Variants in ARMCX4 observed in about 807,000 individuals in gnomAD.
ARMCX4 encodes armadillo repeat-containing X-linked protein 4.
ARMCX4 carries 3 observed loss-of-function variants against 34.7 expected under a neutral mutation model. The observed-to-expected ratio is 0.09, with a 90% CI of 0.04 to 0.22. The LOEUF (loss-of-function observed/expected upper bound fraction) is 0.22, where lower values mean the gene tolerates loss of function less well. Among genes scored for constraint, ARMCX4 ranks in the 10% least tolerant of loss-of-function variants. ARMCX4 has a pLI of 1.00. For missense variants in ARMCX4, 1,448 were observed against 1,720.8 expected (o/e 0.84, Z 2.81); for synonymous variants, 513 against 632.8 (o/e 0.81, Z 2.84).
At chrX:101,428,612 C>T (rs1929776061) in intron 2 of ARMCX4, among the ~76,000 whole-genome samples, 2 of 111,833 alleles carry the variant, frequency 1.8e-5, no homozygotes, top group African/African-American at 6.5e-5. Context: ...CTTTTTCTCT[C>T]CATCTCTCTC....
chrX:101,464,197 G>A (rs1228112683), intron 4 of ARMCX4, among the ~76,000 whole-genome samples: 3 of 109,260 alleles, frequency 2.7e-5, no homozygotes, highest in Non-Finnish European at 5.7e-5. Flanking sequence ...ACATGGTGAA[G>A]CCCCGTCTCG....
chrX:101,494,306 C>T lies in ARMCX4; in HGVS notation c.5717C>T (p.Ala1906Val). ...EEISLRSLFWAESENSNTFRS... is the reference protein window; with the variant it reads ...EEISLRSLFWVESENSNTFRS... ...ATCAGTTTAAGGTCTTTGTTTTGGG[C>T]TGAGAGTGAGAACAGTAATACGTTC... is the stretch of plus-strand genomic sequence containing the variant. The change falls in exon 6 of 6, where the codon GCT becomes GTT. Residue 1906 changes from alanine (A) to valine (V), a missense_variant. Ala to Val is a moderately conservative substitution (Grantham distance 64). This residue lies in a region of ARMCX4 where 1,343 missense variants were observed against 1,540.7 expected (regional missense o/e 0.87). Transcript: ENST00000423738. 8.7e-7 allele frequency: 1 copy of T among 1,155,095 alleles called. No individual in the cohort carries two copies. The highest frequency in any genetic ancestry group is 3.3e-5 in the East Asian group (1 of 30,768).
At chrX:101,502,784 AT>A (rs1444797924) in intron 7 of ARMCX4, among the ~76,000 whole-genome samples, 2 of 105,657 alleles carry the variant, frequency 1.9e-5, no homozygotes, top group Non-Finnish European at 3.9e-5. Context: ...TTGCCTTGGA[AT>A]TTTTTTTCTC....
intron 11 of ARMCX4, among the ~76,000 whole-genome samples, chrX:101,511,373 T>G (rs1934577864): frequency 9.0e-6 from 1 of 111,727 alleles, no homozygotes; most frequent in Admixed American, 9.5e-5. Flanking sequence ...TTGTTTCTTT[T>G]AAAATAGAAT....
At chrX:101,502,724 T>A (rs1265904204) in intron 7 of ARMCX4, among the ~76,000 whole-genome samples, 10 of 111,472 alleles carry the variant, frequency 9.0e-5, no homozygotes, top group East Asian at 2.8e-4. Context: ...TCTTTATTTT[T>A]TTTTTATTTT....
intron 7 of ARMCX4, among the ~76,000 whole-genome samples, chrX:101,503,112 A>G (rs1447556247): frequency 3.7e-5 from 4 of 109,449 alleles, no homozygotes; most frequent in Non-Finnish European, 7.6e-5. Context: ...AAAGGACATG[A>G]ATTCATCCTT....
chrX:101,438,759 T>A (rs1411651763), intron 2 of ARMCX4, among the ~76,000 whole-genome samples: 4 of 111,371 alleles, frequency 3.6e-5, no homozygotes, highest in African/African-American at 1.3e-4. Context: ...TTTGTTGGTT[T>A]AAAGTCTGTT....
At position 101,491,406 on chromosome X, in the gene ARMCX4, G is replaced by A. The variant is rs1556009093; in HGVS notation, c.2817G>A (p.Glu939=). 6.1e-6 allele frequency: 7 copies of A among 1,155,465 alleles called. No individual in the cohort carries two copies. The African/African-American group carries it at 1.2e-4, about 21-fold the overall frequency. The part of the protein sequence containing the change: ...KGNSNAISKA[E]AGAGIMGSVQ... The stretch of plus-strand genomic sequence containing the variant: ...ATTCCAATGCTATTTCTAAGGCAGA[G>A]GCTGGGGCAGGCATAATGGGCTCTG... Residue 939 remains glutamate (E), a synonymous_variant, in exon 6 of 6, where the codon GAG becomes GAA. Transcript: ENST00000423738.
intron 7 of ARMCX4, among the ~76,000 whole-genome samples, chrX:101,501,116 T>G (rs1458408431): frequency 2.7e-5 from 3 of 112,796 alleles, no homozygotes; most frequent in African/African-American, 9.6e-5. Flanking sequence ...GTGCACTGCC[T>G]GGTAGGCCTC....
intron 2 of ARMCX4, chrX:101,443,867 G>T: frequency 2.7e-6 from 1 of 370,615 alleles, no homozygotes. Flanking sequence ...GTTGGGTCCA[G>T]CATTTTCCAT....
chrX:101,493,868 A>G lies in ARMCX4; in HGVS notation c.5279A>G (p.Asp1760Gly). The change falls in exon 6 of 6, where the codon GAT becomes GGT. Residue 1760 changes from aspartate (D) to glycine (G), a missense_variant. Asp to Gly is a moderately conservative substitution (Grantham distance 94). This residue lies in a region of ARMCX4 where 1,343 missense variants were observed against 1,540.7 expected (regional missense o/e 0.87). Coordinates refer to ENST00000423738, the MANE Select transcript of ARMCX4 (RefSeq NM_001256155.3). ...AAAGCTGATATTGTGTCCAGGCCTG[A>G]TGATAAAGATGAGGCCACTACTGCA... ...EEKADIVSRP[D>G]DKDEATTASR... 2 of 1,152,484 alleles carry G rather than the reference A, an allele frequency of 1.7e-6. No homozygotes were observed. The highest frequency in any genetic ancestry group is 2.3e-6 in the Non-Finnish European group (2 of 871,975). 95.0% of individuals were successfully genotyped at this position (1,152,484 alleles called of 1,213,427 possible). A position where few individuals can be genotyped will look rare whatever the true frequency, so the allele number is the denominator to read the frequency against.
At chrX:101,428,003 T>C (rs1929737937) in intron 2 of ARMCX4, among the ~76,000 whole-genome samples, 1 of 112,015 alleles carries the variant, frequency 8.9e-6, no homozygotes, top group Non-Finnish European at 1.9e-5. Context: ...AGTATAGCAT[T>C]CTATAATTCA....
chrX:101,499,245 ACGAAC>A (rs782305500), downstream of ARMCX4: 5 of 111,820 alleles, frequency 4.5e-5, no homozygotes, highest in African/African-American at 1.3e-4. Flanking sequence ...AGGAAATGAC[ACGAAC>A]TCATTACTGC....
downstream of ARMCX4, among the ~76,000 whole-genome samples, chrX:101,500,692 GT>G (rs1259831644): frequency 8.9e-6 from 1 of 111,976 alleles, no homozygotes; most frequent in Non-Finnish European, 1.9e-5. Context: ...TAGAAAATGT[GT>G]TTTTTTCCCT....
intron 4 of ARMCX4, among the ~76,000 whole-genome samples, chrX:101,475,603 A>G (rs1933152080): frequency 9.0e-6 from 1 of 111,323 alleles, no homozygotes; most frequent in Non-Finnish European, 1.9e-5. Context: ...AGAGACAGTG[A>G]CTCTCAGATT....
Position 101,495,387 on chromosome X carries a change from A to G in ARMCX4, c.6798A>G (p.Lys2266=). The change falls in exon 6 of 6, where the codon AAA becomes AAG. Residue 2266 remains lysine, a synonymous_variant. Coordinates refer to ENST00000423738, the MANE Select transcript of ARMCX4 (RefSeq NM_001256155.3). ...LFQRPKACAK[K]LRALAAECND... is the part of the protein sequence containing the mutation. ...AACGACCTAAAGCATGTGCCAAGAA[A>G]CTTCGAGCCTTAGCAGCAGAATGCA... is the stretch of plus-strand genomic sequence containing the variant. The G allele has an allele frequency of 8.7e-7, 1 of 1,149,303 alleles. No individual in the cohort carries two copies. Among genetic ancestry groups the G allele is most frequent in the Non-Finnish European group, 1.1e-6 (1 of 870,633 alleles). 94.7% of individuals were successfully genotyped at this position (1,149,303 alleles called of 1,213,427 possible).
intron 4 of ARMCX4, among the ~76,000 whole-genome samples, chrX:101,458,804 C>A: frequency 8.9e-6 from 1 of 111,778 alleles, no homozygotes; most frequent in African/African-American, 3.2e-5. Context: ...CTACTAATTT[C>A]TAGCTTTACT....
chrX:101,420,736 AAG>A (rs1391779419), intron 2 of ARMCX4, among the ~76,000 whole-genome samples: 1 of 112,372 alleles, frequency 8.9e-6, no homozygotes, highest in African/African-American at 3.2e-5. Flanking sequence ...TGGTGAGTAA[AAG>A]AGACTGAATG....
chrX:101,495,603 A>G lies in ARMCX4; in HGVS notation c.*141A>G, dbSNP rs1291819334. On this transcript the variant is annotated 3_prime_UTR_variant, in exon 6 of 6. Transcript: ENST00000423738. The stretch of plus-strand genomic sequence containing the variant: ...AGCTGGACCATTTTATGAACACCAA[A>G]TGAATTCAAGCTTGTACTAAAAATA... 3 of 533,665 alleles carry G rather than the reference A, an allele frequency of 5.6e-6. No homozygotes were observed. Among genetic ancestry groups the G allele is most frequent in the Non-Finnish European group, 8.2e-6 (3 of 364,152 alleles). 44.0% of individuals were successfully genotyped at this position (533,665 alleles called of 1,213,427 possible).
Sources: gnomAD v4.1 joint callset for allele counts (sites outside exome capture counted in the v4.1 genomes callset) on GRCh38, gnomAD v4.1.1 for gene constraint, gnomAD v4.1.1 regional missense constraint, MANE v1.5 for transcripts, NCBI Gene and HGNC (gene_info 2026-07-23, HGNC 2026-07-21) for gene names.